The following ARL8B variants were observed in gnomAD, a reference collection of about 807,000 sequenced individuals.
ARL8B encodes ADP-ribosylation factor-like protein 8B.
Under a neutral mutation model 30.6 loss-of-function variants are expected in ARL8B, and 9 were observed. The observed-to-expected ratio is 0.29, with a 90% confidence interval of 0.18 to 0.51. The LOEUF is 0.51. ARL8B is among the 20% of genes least tolerant of loss of function. ARL8B has a pLI of 0.97. For missense variants in ARL8B, 130 were observed against 227.2 expected (o/e 0.57, Z 2.75); for synonymous variants, 74 against 76.0 (o/e 0.97, Z 0.14).
intron 1 of ARL8B, among the ~76,000 whole-genome samples, chr3:5,167,782 G>A (rs2106569343): frequency 6.6e-6 from 1 of 152,308 alleles, no homozygotes; most frequent in Admixed American, 6.5e-5. Context: ...ATACTACTAA[G>A]TAGTATTTTC....
At chr3:5,164,387 T>G (rs1472735817) in intron 1 of ARL8B, among the ~76,000 whole-genome samples, 1 of 152,206 alleles carries the variant, frequency 6.6e-6, no homozygotes, top group East Asian at 1.9e-4. Flanking sequence ...AAGAATGAGG[T>G]AGTATTTGAT....
intron 1 of ARL8B, among the ~76,000 whole-genome samples, chr3:5,147,153 T>C (rs970483184): frequency 6.6e-6 from 1 of 152,110 alleles, no homozygotes; most frequent in South Asian, 2.1e-4. Flanking sequence ...GGATATCTCC[T>C]AATGCTATCC....
chr3:5,172,575 AAATC>A (rs879501082), intron 3 of ARL8B, 68 bp from the exon 4 acceptor site: 28 of 1,029,560 alleles, frequency 2.7e-5, no homozygotes, highest in Middle Eastern at 4.4e-4. Context: ...CAAAAATTAA[AAATC>A]AATAATACTA....
intron 1 of ARL8B, among the ~76,000 whole-genome samples, chr3:5,155,184 T>C (rs569412799): frequency 1.3e-5 from 2 of 152,232 alleles, no homozygotes; most frequent in Non-Finnish European, 2.9e-5. Flanking sequence ...GAAAATAGGA[T>C]TCTCGGTTAA....
Position 5,180,807 on chromosome 3 carries a change from T to TAGTAAGC in ARL8B, c.*2094_*2095insAGTAAGC, listed in dbSNP as rs2054771833. ...TGGAAGGTGCAGACTTTTTTGGAAG[T>TAGTAAGC]TTCCGAGAGGAGGGTCTATAGACCA... On this transcript the variant is annotated 3_prime_UTR_variant, in exon 7 of 7. Coordinates refer to ENST00000256496, the MANE Select transcript of ARL8B (RefSeq NM_018184.3). The TAGTAAGC allele has an allele frequency of 1.1e-5, 1 of 94,692 alleles. No individual in the cohort carries two copies. Among genetic ancestry groups the TAGTAAGC allele is most frequent in the South Asian group, 3.0e-4 (1 of 3,308 alleles). The allele number at this position is 94,692 out of a possible 1,614,324, so 5.9% of individuals were successfully genotyped here.
chr3:5,126,352 A>G (rs371971906), intron 1 of ARL8B, among the ~76,000 whole-genome samples: 10 of 152,098 alleles, frequency 6.6e-5, no homozygotes, highest in East Asian at 3.8e-4. Context: ...ATTGAGTACT[A>G]TGTGTCACTC....
chr3:5,126,644 A>T (rs1226019716), intron 1 of ARL8B, among the ~76,000 whole-genome samples: 3 of 152,182 alleles, frequency 2.0e-5, no homozygotes, highest in African/African-American at 7.2e-5. Flanking sequence ...TTTCCTTAGG[A>T]TTTTAAAACT....
At chr3:5,134,272 T>A (rs936240772) in intron 1 of ARL8B, among the ~76,000 whole-genome samples, 1 of 152,224 alleles carries the variant, frequency 6.6e-6, no homozygotes, top group Non-Finnish European at 1.5e-5. Context: ...TCTCCACTCC[T>A]CAGGATTGCT....
At chr3:5,167,376 G>A (rs1213033477) in intron 1 of ARL8B, among the ~76,000 whole-genome samples, 1 of 152,134 alleles carries the variant, frequency 6.6e-6, no homozygotes, top group African/African-American at 2.4e-5. Flanking sequence ...TGACTCTAAA[G>A]CAGAAGAGTA....
At chr3:5,146,433 TTTAA>T (rs1281626307) in intron 1 of ARL8B, among the ~76,000 whole-genome samples, 1 of 152,230 alleles carries the variant, frequency 6.6e-6, no homozygotes, top group Non-Finnish European at 1.5e-5. Flanking sequence ...ATAGTCCATC[TTTAA>T]TTAATTCCTC....
rs1159527008 is a variant in ARL8B at position 5,172,196 on chromosome 3, G to A, written c.251G>A (p.Arg84Gln). The change falls in exon 3 of 7, where the codon CGG becomes CAG. Residue 84 changes from arginine (R) to glutamine (Q), a missense_variant. Physicochemically the swap from Arg to Gln is conservative, Grantham distance 43 (BLOSUM62 1). Coordinates refer to ENST00000256496, the MANE Select transcript of ARL8B (RefSeq NM_018184.3). Reference sequence around the variant, plus strand: ...CCCCGATTTCGAAGCATGTGGGAGCGGTATTGCAGAGGAGTCAATGCTATT... The same window carrying A: ...CCCCGATTTCGAAGCATGTGGGAGCAGTATTGCAGAGGAGTCAATGCTATT... ...GQPRFRSMWE[R>Q]YCRGVNAIVY... is the part of the protein sequence containing the mutation. The A allele has an allele frequency of 1.9e-6, 3 of 1,613,410 alleles. No homozygotes were observed. The highest frequency in any genetic ancestry group is 2.2e-5 in the East Asian group (1 of 44,854).
intron 1 of ARL8B, among the ~76,000 whole-genome samples, chr3:5,167,013 T>C (rs2054630644): frequency 6.6e-6 from 1 of 152,144 alleles, no homozygotes; most frequent in Non-Finnish European, 1.5e-5. Flanking sequence ...CAATTTCCTT[T>C]TTCTAGATAA....
intron 1 of ARL8B, among the ~76,000 whole-genome samples, chr3:5,160,560 C>T (rs2054572033): frequency 1.3e-5 from 2 of 152,144 alleles, no homozygotes; most frequent in African/African-American, 4.8e-5. Context: ...GAAGTTGCTG[C>T]AGAGTAGCTC....
chr3:5,155,768 A>C lies in ARL8B; in HGVS notation c.124-14735A>C, dbSNP rs1419132565. On this transcript the variant is annotated intron_variant, in intron 1 of 6. Transcript: ENST00000256496. The stretch of plus-strand genomic sequence containing the variant: ...CAACTCTGAACACTTTCTTTTTGGC[A>C]TCTTTTTCGGTTTTCTACCTCTTTA... Among the ~76,000 whole-genome samples the C allele has an allele frequency of 2.1e-5, 3 of 139,696 alleles. No individual in the cohort carries two copies. The Admixed American group carries it at 2.3e-4, about 11-fold the overall frequency. 91.6% of individuals were successfully genotyped at this position (139,696 alleles called of 152,430 possible).
chr3:5,172,061 T>A, intron 2 of ARL8B, 89 bp from the exon 3 acceptor site: 1 of 1,263,048 alleles, frequency 7.9e-7, no homozygotes, highest in Non-Finnish European at 1.1e-6. Flanking sequence ...TAAATATATC[T>A]TCCCGATCTT....
rs568227852 is a variant in ARL8B at position 5,180,532 on chromosome 3, C to G, written c.*1819C>G. 6.6e-6 allele frequency: 1 copy of G among 152,644 alleles called. No individual in the cohort carries two copies. The highest frequency in any genetic ancestry group is 1.5e-5 in the Non-Finnish European group (1 of 68,028). 9.5% of individuals were successfully genotyped at this position (152,644 alleles called of 1,614,324 possible). ...TTTGTTAATTGACCTATAGCTAAACCTTAATGTGTTTGTGTGTCTATACAT... is the reference window on the plus strand; with the variant it reads ...TTTGTTAATTGACCTATAGCTAAACGTTAATGTGTTTGTGTGTCTATACAT... On this transcript the variant is annotated 3_prime_UTR_variant, in exon 7 of 7. Coordinates refer to ENST00000256496, the MANE Select transcript of ARL8B (RefSeq NM_018184.3).
rs1041932212 is a variant in ARL8B, at chr3:5,138,951, A to T, written c.123+16363A>T. On this transcript the variant is annotated intron_variant, in intron 1 of 6. Coordinates refer to ENST00000256496, the MANE Select transcript of ARL8B (RefSeq NM_018184.3). ...TGAAAGAATGTATTCAGCCCATGGC[A>T]TTCTCTGCAGCCACACCACTGTACT... Among the ~76,000 whole-genome samples the T allele has an allele frequency of 2.0e-5, 3 of 152,338 alleles. 1 individual carries two copies. Among genetic ancestry groups the T allele is most frequent in the South Asian group, 4.1e-4 (2 of 4,828 alleles).
At chr3:5,177,493 T>C (rs1392535934) in intron 6 of ARL8B, among the ~76,000 whole-genome samples, 1 of 151,736 alleles carries the variant, frequency 6.6e-6, no homozygotes, top group African/African-American at 2.4e-5. Flanking sequence ...GTTTCACTCT[T>C]GTGGCCCAGC....
chr3:5,131,530 A>G (rs1197955105), intron 1 of ARL8B, among the ~76,000 whole-genome samples: 2 of 151,966 alleles, frequency 1.3e-5, no homozygotes, highest in Non-Finnish European at 2.9e-5. Flanking sequence ...AGCTAGGGTT[A>G]CAGGCGCACG....
Sources: gnomAD v4.1 joint callset for allele counts (sites outside exome capture counted in the v4.1 genomes callset) on GRCh38, gnomAD v4.1.1 for gene constraint, MANE v1.5 for transcripts, NCBI Gene and HGNC (gene_info 2026-07-23, HGNC 2026-07-21) for gene names.